Variants in DCPS observed in about 807,000 individuals in gnomAD.
DCPS encodes the protein m7GpppX diphosphatase.
Under a neutral mutation model 34.7 loss-of-function variants are expected in DCPS, and 27 were observed. The ratio of observed to expected loss-of-function variants is 0.78; its 90% CI spans 0.57 to 1.07. The LOEUF (loss-of-function observed/expected upper bound fraction) is 1.07. Among genes scored for constraint, DCPS ranks in the 50% least tolerant of loss-of-function variants. The pLI is 0.00. For missense variants in DCPS, 464 were observed against 436.9 expected (o/e 1.06, Z -0.55); for synonymous variants, 185 against 185.7 (o/e 1.00, Z 0.03).
In DCPS at chr11:126,304,094, C is replaced by T. The variant is rs1445394688; in HGVS notation, c.14C>T (p.Ala5Val). Reference protein sequence around the residue: MADAAPQLGKRKREL... With the variant: MADAVPQLGKRKREL... ...CTCCGCGGCAGCATGGCGGACGCAG[C>T]TCCTCAACTAGGCAAGAGGAAGCGC... The change falls in exon 1 of 6, where the codon GCT (alanine) becomes GTT (valine). Residue 5 changes from alanine to valine, a missense_variant. Physicochemically the swap from Ala to Val is moderately conservative, Grantham distance 64. Coordinates refer to ENST00000263579, the MANE Select transcript of DCPS (RefSeq NM_014026.6). The T allele has an allele frequency of 1.2e-6, 2 of 1,604,786 alleles. No homozygotes were observed. Among genetic ancestry groups the T allele is most frequent in the South Asian group, 1.1e-5 (1 of 90,104 alleles).
Position 126,332,712 on chromosome 11 carries a change from T to C in DCPS, c.522+1162T>C, listed in dbSNP as rs1369346261. On this transcript the variant is annotated intron_variant, in intron 3 of 5. Coordinates refer to ENST00000263579, the MANE Select transcript of DCPS (RefSeq NM_014026.6). The surrounding 1 kb of genome is among the most constrained non-coding windows in gnomAD (Gnocchi z 5.4). ...CCCCTTCCCCAGCCTGGTTCAGCCC[T>C]GGTCTCCCTGGGCAGCAGTTTGCGT... 6.6e-6 allele frequency among the ~76,000 whole-genome samples: 1 copy of C among 152,222 alleles called. No individual in the cohort carries two copies. The highest frequency in any genetic ancestry group is 2.4e-5 in the African/African-American group (1 of 41,458).
chr11:126,307,928 T>C (rs949356638), intron 2 of DCPS, among the ~76,000 whole-genome samples: 5 of 152,142 alleles, frequency 3.3e-5, no homozygotes, highest in Admixed American at 3.3e-4. Context: ...TTCAGTAGAC[T>C]GGGGTCTTGC....
rs1449621327 is a variant in DCPS, at chr11:126,329,325, G to A, written c.377-2080G>A. ...TTGGGTGACATTTATTTAGCAACTCGTGATCCAGCTGACACGTTTTATTGA... is the reference window on the plus strand; with the variant it reads ...TTGGGTGACATTTATTTAGCAACTCATGATCCAGCTGACACGTTTTATTGA... On this transcript the variant is annotated intron_variant, in intron 2 of 5. Coordinates refer to ENST00000263579, the MANE Select transcript of DCPS (RefSeq NM_014026.6). This position sits in a 1 kb window ranked among gnomAD's most constrained non-coding sequence, Gnocchi z 5.0. 1.3e-5 allele frequency among the ~76,000 whole-genome samples: 2 copies of A among 152,234 alleles called. No homozygotes were observed. Among genetic ancestry groups the A allele is most frequent in the African/African-American group, 2.4e-5 (1 of 41,460 alleles).
rs1342211557 is a variant in DCPS at position 126,334,152 on chromosome 11, G to C, written c.522+2602G>C. 6.6e-6 allele frequency among the ~76,000 whole-genome samples: 1 copy of C among 152,074 alleles called. No homozygotes were observed. The highest frequency in any genetic ancestry group is 1.5e-5 in the Non-Finnish European group (1 of 68,010). The stretch of plus-strand genomic sequence containing the variant: ...GCTTAGCAACTGATTGACGTGCAGA[G>C]GGGAGGGAAGAGGTTGGGTGATGAG... On this transcript the variant is annotated intron_variant, in intron 3 of 5. Transcript: ENST00000263579. The surrounding 1 kb of genome is among the most constrained non-coding windows in gnomAD (Gnocchi z 5.5).
At position 126,348,264 on chromosome 11, in the gene DCPS, C is replaced by T. The variant is rs982510462; in HGVS notation, c.*2651C>T. On this transcript the variant is annotated 3_prime_UTR_variant, in exon 6 of 6. Transcript: ENST00000263579. This position sits in a 1 kb window ranked among gnomAD's most constrained non-coding sequence, Gnocchi z 5.3. Reference sequence around the variant, plus strand: ...CGAGGGGCTGGCCAGTTCTGTCTTCCTTCTGCCCACTCTGTGGGGAGGAGC... The same window carrying T: ...CGAGGGGCTGGCCAGTTCTGTCTTCTTTCTGCCCACTCTGTGGGGAGGAGC... Among the ~76,000 whole-genome samples, 1 of 152,176 alleles carries T rather than the reference C, an allele frequency of 6.6e-6. No individual in the cohort carries two copies. The highest frequency in any genetic ancestry group is 1.5e-5 in the Non-Finnish European group (1 of 68,016).
Position 126,322,134 on chromosome 11 carries a change from A to T in DCPS, c.377-9271A>T, listed in dbSNP as rs1951711438. Among the ~76,000 whole-genome samples the T allele has an allele frequency of 6.6e-6, 1 of 152,256 alleles. No homozygotes were observed. The highest frequency in any genetic ancestry group is 1.5e-5 in the Non-Finnish European group (1 of 68,044). On this transcript the variant is annotated intron_variant, in intron 2 of 5. Coordinates refer to ENST00000263579, the MANE Select transcript of DCPS (RefSeq NM_014026.6). The surrounding 1 kb of genome is among the most constrained non-coding windows in gnomAD (Gnocchi z 4.2). ...CAGCAATTACCTAGCACAATGGATG[A>T]AGATAAAACCACTTTGAGATCCAAC...
At chr11:126,318,519 A>G (rs1031743654) in intron 2 of DCPS, among the ~76,000 whole-genome samples, 1 of 152,210 alleles carries the variant, frequency 6.6e-6, no homozygotes, top group African/African-American at 2.4e-5. Flanking sequence ...AAGCAGATCC[A>G]GGAGAGCCTC....
At chr11:126,343,790 C>T (rs1171820639) in intron 5 of DCPS, among the ~76,000 whole-genome samples, 8 of 152,132 alleles carry the variant, frequency 5.3e-5, no homozygotes, top group South Asian at 2.1e-4. Flanking sequence ...CACATGACTT[C>T]GATATGTGTG....
At chr11:126,314,957 G>A (rs1450503065) in intron 2 of DCPS, among the ~76,000 whole-genome samples, 1 of 151,900 alleles carries the variant, frequency 6.6e-6, no homozygotes, top group African/African-American at 2.4e-5. Context: ...GTTCCTACCT[G>A]TTCCCCAAAA....
chr11:126,343,234 G>A (rs1951890287), intron 4 of DCPS, 73 bp from the exon 5 acceptor site: 3 of 1,303,312 alleles, frequency 2.3e-6, no homozygotes, highest in Non-Finnish European at 3.3e-6. Context: ...TGGCTTACGT[G>A]AGAACTCCAG....
At chr11:126,343,198 T>C (rs1456513581) in intron 4 of DCPS, 109 bp from the exon 5 acceptor site, 3 of 807,610 alleles carry the variant, frequency 3.7e-6, no homozygotes, top group Non-Finnish European at 6.2e-6. Context: ...CTCCTGGTGC[T>C]GTAGGCCTCA....
rs939531956 is a variant in DCPS at position 126,306,725 on chromosome 11, C to G, written c.357C>G (p.Phe119Leu). 3 of 1,594,386 alleles carry G rather than the reference C, an allele frequency of 1.9e-6. No homozygotes were observed. The highest frequency in any genetic ancestry group is 2.7e-5 in the African/African-American group (2 of 74,584). Residue 119 changes from phenylalanine to leucine, a missense_variant, in exon 2 of 6, where the codon TTC becomes TTG. Transcript: ENST00000263579. The part of the protein sequence containing the change: ...SNDIYSTYHL[F>L]PPRQLNDVKT... ...ATATCTACAGCACCTATCACTTGTT[C>G]CCTCCAAGACAACTGAATGGTGAGC... is the stretch of plus-strand genomic sequence containing the variant.
In DCPS at chr11:126,349,816, A is replaced by C. The variant is rs1591396801; in HGVS notation, c.*4203A>C. ...TGTTTTTAAAATAGCCTTGCTTAGCAAAATAAATGTTGGCAACCCTAAGTT... is the reference window on the plus strand; with the variant it reads ...TGTTTTTAAAATAGCCTTGCTTAGCCAAATAAATGTTGGCAACCCTAAGTT... On this transcript the variant is annotated 3_prime_UTR_variant, in exon 6 of 6. Coordinates refer to ENST00000263579, the MANE Select transcript of DCPS (RefSeq NM_014026.6). The surrounding 1 kb of genome is among the most constrained non-coding windows in gnomAD (Gnocchi z 5.4). Among the ~76,000 whole-genome samples the C allele has an allele frequency of 6.6e-6, 1 of 152,378 alleles. No homozygotes were observed. The highest frequency in any genetic ancestry group is 1.9e-4 in the East Asian group (1 of 5,194).
intron 2 of DCPS, among the ~76,000 whole-genome samples, chr11:126,321,843 A>T (rs1284955042): frequency 6.6e-6 from 1 of 152,200 alleles, no homozygotes; most frequent in African/African-American, 2.4e-5. Context: ...GAAATTAAAG[A>T]TACAGCAGAA....
At position 126,335,982 on chromosome 11, in the gene DCPS, G is replaced by A. The variant is rs561205323; in HGVS notation, c.523-2304G>A. ...TCTACTAAAAATATAAAAATTAGTC[G>A]GGTGTGGTGGTGGGCACCTATAATC... On this transcript the variant is annotated intron_variant, in intron 3 of 5. Transcript: ENST00000263579. This position sits in a 1 kb window ranked among gnomAD's most constrained non-coding sequence, Gnocchi z 4.8. Among the ~76,000 whole-genome samples the A allele has an allele frequency of 6.3e-4, 95 of 152,000 alleles. 1 individual carries two copies. Among genetic ancestry groups the A allele is most frequent in the Admixed American group, 4.9e-3 (74 of 15,242 alleles).
chr11:126,348,027 T>TTCCCC lies in DCPS; in HGVS notation c.*2417_*2421dup, dbSNP rs1951953582. 6.6e-6 allele frequency among the ~76,000 whole-genome samples: 1 copy of TTCCCC among 151,924 alleles called. No homozygotes were observed. Among genetic ancestry groups the TTCCCC allele is most frequent in the South Asian group, 2.1e-4 (1 of 4,812 alleles). On this transcript the variant is annotated 3_prime_UTR_variant, in exon 6 of 6. Transcript: ENST00000263579. The surrounding 1 kb of genome is among the most constrained non-coding windows in gnomAD (Gnocchi z 5.3). Reference sequence around the variant, plus strand: ...GGGCTCCCGCTGACCTTGCCGTTCCTTCCCCTCATCTCGTAGCGCCTGGCC... The same window carrying TTCCCC: ...GGGCTCCCGCTGACCTTGCCGTTCCTTCCCCTCCCCTCATCTCGTAGCGCCTGGCC...
chr11:126,330,953 C>T (rs1354632629), intron 2 of DCPS, among the ~76,000 whole-genome samples: 1 of 151,702 alleles, frequency 6.6e-6, no homozygotes, highest in Non-Finnish European at 1.5e-5. Context: ...TCAGGCTGGT[C>T]TCGAACTCCT....
At position 126,345,016 on chromosome 11, in the gene DCPS, G is replaced by A. The variant is rs971369279; in HGVS notation, c.748-331G>A. ...AGTCTTGGGAATCTGGGGCCTGTCT[G>A]TAGACACTGGGCCTTCCAAGATTCC... is the stretch of plus-strand genomic sequence containing the variant. On this transcript the variant is annotated intron_variant, in intron 5 of 5. Coordinates refer to ENST00000263579, the MANE Select transcript of DCPS (RefSeq NM_014026.6). The surrounding 1 kb of genome is among the most constrained non-coding windows in gnomAD (Gnocchi z 7.4). Among the ~76,000 whole-genome samples the A allele has an allele frequency of 2.6e-5, 4 of 152,228 alleles. No individual in the cohort carries two copies. Among genetic ancestry groups the A allele is most frequent in the Non-Finnish European group, 4.4e-5 (3 of 68,048 alleles).
Position 126,325,385 on chromosome 11 carries a change from C to CT in DCPS, c.377-6019dup, listed in dbSNP as rs1951732388. On this transcript the variant is annotated intron_variant, in intron 2 of 5. Coordinates refer to ENST00000263579, the MANE Select transcript of DCPS (RefSeq NM_014026.6). This position sits in a 1 kb window ranked among gnomAD's most constrained non-coding sequence, Gnocchi z 4.3. The stretch of plus-strand genomic sequence containing the variant: ...TGTGAGGTTGAGGGTTAGGAAGTAT[C>CT]TGTGTATATGTGTGTGTTTGTGCAT... 6.6e-6 allele frequency among the ~76,000 whole-genome samples: 1 copy of CT among 151,998 alleles called. No homozygotes were observed. The highest frequency in any genetic ancestry group is 1.5e-5 in the Non-Finnish European group (1 of 68,006).
Sources: gnomAD v4.1 joint callset for allele counts (sites outside exome capture counted in the v4.1 genomes callset) on GRCh38, gnomAD v4.1.1 for gene constraint, Gnocchi (gnomAD v3.1) non-coding constraint, MANE v1.5 for transcripts, NCBI Gene and HGNC (gene_info 2026-07-23, HGNC 2026-07-21) for gene names.